Variants in IVL observed in about 807,000 individuals in gnomAD.
IVL encodes involucrin.
For missense variants in IVL, 722 were observed against 624.9 expected (o/e 1.16, Z -1.66); for synonymous variants, 257 against 271.0 (o/e 0.95, Z 0.51).
At position 152,911,210 on chromosome 1, in the gene IVL, G is replaced by A. The variant is rs1383884308; in HGVS notation, c.1413G>A (p.Glu471=). 1.3e-6 allele frequency: 2 copies of A among 1,556,216 alleles called. No individual in the cohort carries two copies. Among genetic ancestry groups the A allele is most frequent in the Non-Finnish European group, 1.7e-6 (2 of 1,150,002 alleles). The change falls in exon 2 of 2, where the codon GAG becomes GAA. Residue 471 remains glutamate (E), a synonymous_variant. Transcript: ENST00000368764. ...TGGAGCAGGAGGAGAAGCAACTGGA[G>A]CTCCCAGAGCAGCAAGAGGGCCAGG... ...KNLEQEEKQL[E]LPEQQEGQVK...
At position 152,911,013 on chromosome 1, in the gene IVL, C is replaced by G; in HGVS notation, c.1216C>G (p.Leu406Val). The G allele has an allele frequency of 6.4e-7, 1 of 1,550,780 alleles. No homozygotes were observed. Among genetic ancestry groups the G allele is most frequent in the Non-Finnish European group, 8.7e-7 (1 of 1,146,798 alleles). The change falls in exon 2 of 2, where the codon CTG becomes GTG. Residue 406 changes from leucine (L) to valine (V), a missense_variant. Leu to Val is a conservative substitution (Grantham distance 32). Coordinates refer to ENST00000368764, the MANE Select transcript of IVL (RefSeq NM_005547.4). ...GCAGCAGGAGGGGCAGCTGAAGCAT[C>G]TGGTGCAGCAGGAGGGGCAGCTGGA... ...LVQQEGQLKHLVQQEGQLEQQ... is the reference protein window; with the variant it reads ...LVQQEGQLKHVVQQEGQLEQQ...
Position 152,911,231 on chromosome 1 carries a change from C to A in IVL, c.1434C>A (p.Gly478=), listed in dbSNP as rs187809698. 1 of 1,548,574 alleles carries A rather than the reference C, an allele frequency of 6.5e-7. No homozygotes were observed. Among genetic ancestry groups the A allele is most frequent in the East Asian group, 2.4e-5 (1 of 41,164 alleles). Residue 478 remains glycine (G), a synonymous_variant, in exon 2 of 2, where the codon GGC becomes GGA. Coordinates refer to ENST00000368764, the MANE Select transcript of IVL (RefSeq NM_005547.4). ...KQLELPEQQE[G]QVKHLEKQEA... is the part of the protein sequence containing the mutation. Reference sequence around the variant, plus strand: ...TGGAGCTCCCAGAGCAGCAAGAGGGCCAGGTGAAGCACCTGGAGAAGCAGG... The same window carrying A: ...TGGAGCTCCCAGAGCAGCAAGAGGGACAGGTGAAGCACCTGGAGAAGCAGG...
chr1:152,909,797 G>A lies in IVL; in HGVS notation c.-1G>A. ...CTTTCAGGTTGACAGTAGCTTCTAAGATGTCCCAGCAACACACACTGCCAG... is the reference window on the plus strand; with the variant it reads ...CTTTCAGGTTGACAGTAGCTTCTAAAATGTCCCAGCAACACACACTGCCAG... On this transcript the variant is annotated 5_prime_UTR_variant, in exon 2 of 2. Coordinates refer to ENST00000368764, the MANE Select transcript of IVL (RefSeq NM_005547.4). 1.2e-6 allele frequency: 2 copies of A among 1,608,670 alleles called. No homozygotes were observed. Among genetic ancestry groups the A allele is most frequent in the Non-Finnish European group, 1.7e-6 (2 of 1,177,010 alleles).
chr1:152,911,304 C>G lies in IVL; in HGVS notation c.1507C>G (p.Leu503Val), dbSNP rs759571474. ...PEQQVGQPKH[L>V]EQQEKHLEHP... ...GCAGCAGGTAGGACAGCCAAAGCACCTGGAACAGCAGGAAAAGCACCTAGA... is the reference window on the plus strand; with the variant it reads ...GCAGCAGGTAGGACAGCCAAAGCACGTGGAACAGCAGGAAAAGCACCTAGA... Residue 503 changes from leucine (L) to valine (V), a missense_variant, in exon 2 of 2, where the codon CTG (leucine) becomes GTG (valine). Transcript: ENST00000368764. 6.4e-7 allele frequency: 1 copy of G among 1,571,034 alleles called. No individual in the cohort carries two copies. Among genetic ancestry groups the G allele is most frequent in the East Asian group, 2.4e-5 (1 of 42,362 alleles).
chr1:152,909,137 A>C (rs1409523507), intron 1 of IVL, among the ~76,000 whole-genome samples: 1 of 152,146 alleles, frequency 6.6e-6, no homozygotes, highest in Non-Finnish European at 1.5e-5. Context: ...ACTGCAGCTA[A>C]ACCTCAGAAG....
chr1:152,910,586 G>C lies in IVL; in HGVS notation c.789G>C (p.Leu263=). 1 of 1,550,876 alleles carries C rather than the reference G, an allele frequency of 6.4e-7. No homozygotes were observed. The highest frequency in any genetic ancestry group is 8.7e-7 in the Non-Finnish European group (1 of 1,146,780). Residue 263 remains leucine, a synonymous_variant, in exon 2 of 2, where the codon CTG becomes CTC. Coordinates refer to ENST00000368764, the MANE Select transcript of IVL (RefSeq NM_005547.4). ...LELSEQQEGQ[L]KHLEHQEGQL... ...TCTCTGAGCAGCAGGAGGGACAGCT[G>C]AAGCACCTGGAGCACCAGGAGGGGC...
chr1:152,909,551 C>T (rs750839476), intron 1 of IVL, among the ~76,000 whole-genome samples: 1 of 152,170 alleles, frequency 6.6e-6, no homozygotes, highest in Non-Finnish European at 1.5e-5. Context: ...TCCTTGTTGG[C>T]TCTCACCTGG....
chr1:152,910,002 G>A lies in IVL; in HGVS notation c.205G>A (p.Gly69Arg), dbSNP rs1185512760. 1.9e-6 allele frequency: 3 copies of A among 1,614,118 alleles called. No homozygotes were observed. The South Asian group carries it at 3.3e-5, about 18-fold the overall frequency. ...GGAAAAGCACATGACTGCTGTAAAG[G>A]GACTGCCTGAGCAAGAATGTGAGCA... ...QEEKHMTAVK[G>R]LPEQECEQQQ... Residue 69 changes from glycine to arginine, a missense_variant, in exon 2 of 2, where the codon GGA becomes AGA. Coordinates refer to ENST00000368764, the MANE Select transcript of IVL (RefSeq NM_005547.4).
chr1:152,910,319 G>A lies in IVL; in HGVS notation c.522G>A (p.Lys174=). Residue 174 remains lysine, a synonymous_variant, in exon 2 of 2, where the codon AAG becomes AAA. Transcript: ENST00000368764. The stretch of plus-strand genomic sequence containing the variant: ...TAGAGCAGCAGGAGGGACAGCTGAA[G>A]CACCCGGAGCAGCAGGAGGGGCAGC... The part of the protein sequence containing the change: ...KHLEQQEGQL[K]HPEQQEGQLE... 6.3e-7 allele frequency: 1 copy of A among 1,584,480 alleles called. No individual in the cohort carries two copies. The highest frequency in any genetic ancestry group is 8.6e-7 in the Non-Finnish European group (1 of 1,161,002).
In IVL at chr1:152,910,082, T is replaced by C. The variant is rs746362548; in HGVS notation, c.285T>C (p.His95=). 21 of 1,613,950 alleles carry C rather than the reference T, an allele frequency of 1.3e-5. No homozygotes were observed. In the African/African-American group the frequency reaches 2.7e-4, roughly 21 times the overall value. Residue 95 remains histidine, a synonymous_variant, in exon 2 of 2, where the codon CAT becomes CAC. Coordinates refer to ENST00000368764, the MANE Select transcript of IVL (RefSeq NM_005547.4). ...TGCAGCAACAGCACTGGGAACAGCA[T>C]GAGGAATATCAGAAAGCAGAAAACC... ...QELQQQHWEQ[H]EEYQKAENPE... is the part of the protein sequence containing the mutation.
chr1:152,908,990 T>G (rs941012131), intron 1 of IVL, among the ~76,000 whole-genome samples: 4 of 152,234 alleles, frequency 2.6e-5, no homozygotes, highest in East Asian at 1.9e-4. Context: ...GATGGCAGAA[T>G]GGGGAAACCT....
rs200731333 is a variant in IVL, at chr1:152,910,242, A to G, written c.445A>G (p.Lys149Glu). 26 of 1,614,154 alleles carry G rather than the reference A, an allele frequency of 1.6e-5. No homozygotes were observed. The African/African-American group carries it at 2.8e-4, about 17-fold the overall frequency. The change falls in exon 2 of 2, where the codon AAA becomes GAA. Residue 149 changes from lysine (K) to glutamate (E), a missense_variant. Transcript: ENST00000368764. ...GAGAGATGAGCAACTGGGAATGAAG[A>G]AAGAGCAACTGTTGGAGCTCCCAGA... The part of the protein sequence containing the change: ...VKRDEQLGMK[K>E]EQLLELPEQQ...
chr1:152,911,001 C>T lies in IVL; in HGVS notation c.1204C>T (p.Gln402Ter). ...QLKHLVQQEG[Q>*]LKHLVQQEGQ... ...GAAGCACCTGGTGCAGCAGGAGGGG[C>T]AGCTGAAGCATCTGGTGCAGCAGGA... Residue 402 changes from glutamine to a stop codon, truncating the protein, a stop_gained, in exon 2 of 2, where the codon CAG becomes TAG. Coordinates refer to ENST00000368764, the MANE Select transcript of IVL (RefSeq NM_005547.4). LOFTEE classifies it low-confidence loss of function (END_TRUNC). 6.4e-7 allele frequency: 1 copy of T among 1,550,664 alleles called. No homozygotes were observed.
At position 152,910,904 on chromosome 1, in the gene IVL, G is replaced by A. The variant is rs1042216720; in HGVS notation, c.1107G>A (p.Gln369=). The part of the protein sequence containing the change: ...QEGQLGLPEQ[Q]VLQLKQLEKQ... ...GGCAGCTGGGGCTCCCAGAGCAGCAGGTGCTGCAGCTGAAGCAGCTAGAGA... is the reference window on the plus strand; with the variant it reads ...GGCAGCTGGGGCTCCCAGAGCAGCAAGTGCTGCAGCTGAAGCAGCTAGAGA... Residue 369 remains glutamine (Q), a synonymous_variant, in exon 2 of 2, where the codon CAG becomes CAA. Coordinates refer to ENST00000368764, the MANE Select transcript of IVL (RefSeq NM_005547.4). 2 of 1,550,632 alleles carry A rather than the reference G, an allele frequency of 1.3e-6. No individual in the cohort carries two copies. The highest frequency in any genetic ancestry group is 2.0e-5 in the Admixed American group (1 of 50,946).
chr1:152,910,684 T>G lies in IVL; in HGVS notation c.887T>G (p.Leu296Arg). The G allele has an allele frequency of 6.5e-7, 1 of 1,537,346 alleles. No homozygotes were observed. The change falls in exon 2 of 2, where the codon CTG becomes CGG. Residue 296 changes from leucine to arginine, a missense_variant. Physicochemically the swap from Leu to Arg is moderately radical, Grantham distance 102 (BLOSUM62 -2). Coordinates refer to ENST00000368764, the MANE Select transcript of IVL (RefSeq NM_005547.4). ...LEQQEGQLKH[L>R]DQQEKQPELP... ...CAGCAGGAGGGGCAGCTGAAGCACC[T>G]GGATCAGCAGGAGAAGCAGCCAGAG...
chr1:152,910,964 G>C lies in IVL; in HGVS notation c.1167G>C (p.Glu389Asp), dbSNP rs1412140231. 3.2e-6 allele frequency: 5 copies of C among 1,550,458 alleles called. No homozygotes were observed. Among genetic ancestry groups the C allele is most frequent in the Admixed American group, 2.0e-5 (1 of 50,918 alleles). Residue 389 changes from glutamate (E) to aspartate (D), a missense_variant, in exon 2 of 2, where the codon GAG becomes GAC. Coordinates refer to ENST00000368764, the MANE Select transcript of IVL (RefSeq NM_005547.4). ...GGCAGCCAAAGCACCTGGAGGAGGA[G>C]GAGGGGCAGCTGAAGCACCTGGTGC... is the stretch of plus-strand genomic sequence containing the variant. ...QQGQPKHLEE[E>D]EGQLKHLVQQ...
chr1:152,910,482 C>T lies in IVL; in HGVS notation c.685C>T (p.Gln229Ter). The change falls in exon 2 of 2, where the codon CAG (glutamine) becomes TAG (stop). Residue 229 changes from glutamine (Q) to a stop codon, truncating the protein, a stop_gained. Transcript: ENST00000368764. LOFTEE classifies it low-confidence loss of function (END_TRUNC). ...GGGGCAGCTGGAGCTCCCAGAGCAGCAGGAGGGGCAGCTGGAGCTCCCACA... is the reference window on the plus strand; with the variant it reads ...GGGGCAGCTGGAGCTCCCAGAGCAGTAGGAGGGGCAGCTGGAGCTCCCACA... ...QEGQLELPEQQEGQLELPQQQ... is the reference protein window; with the variant it reads ...QEGQLELPEQ 7.0e-7 allele frequency: 1 copy of T among 1,427,622 alleles called. No individual in the cohort carries two copies. Among genetic ancestry groups the T allele is most frequent in the Non-Finnish European group, 9.1e-7 (1 of 1,096,776 alleles). 88.4% of individuals were successfully genotyped at this position (1,427,622 alleles called of 1,614,324 possible).
At position 152,910,666 on chromosome 1, in the gene IVL, AGGG is replaced by A; in HGVS notation, c.871_873del (p.Gly291del). 6.5e-7 allele frequency: 1 copy of A among 1,549,814 alleles called. No individual in the cohort carries two copies. On this transcript the variant is annotated inframe_deletion, in exon 2 of 2. Coordinates refer to ENST00000368764, the MANE Select transcript of IVL (RefSeq NM_005547.4). ...CAGCTGAAGTACCTGGAACAGCAGG[AGGG>A]GCAGCTGAAGCACCTGGATCAGCAG...
In IVL at chr1:152,910,049, G is replaced by T. The variant is rs199703096; in HGVS notation, c.252G>T (p.Glu84Asp). 2 of 1,614,168 alleles carry T rather than the reference G, an allele frequency of 1.2e-6. No homozygotes were observed. The highest frequency in any genetic ancestry group is 1.1e-5 in the South Asian group (1 of 91,076). Reference sequence around the variant, plus strand: ...AGCAACAGCAGAAGGAGCCACAGGAGCAGGAGCTGCAGCAACAGCACTGGG... The same window carrying T: ...AGCAACAGCAGAAGGAGCCACAGGATCAGGAGCTGCAGCAACAGCACTGGG... ...ECEQQQKEPQ[E>D]QELQQQHWEQ... Residue 84 changes from glutamate (E) to aspartate (D), a missense_variant, in exon 2 of 2, where the codon GAG becomes GAT. By Grantham distance (45) the Glu-to-Asp change is conservative. Transcript: ENST00000368764.
Sources: allele counts gnomAD v4.1 joint callset (sites outside exome capture counted in the v4.1 genomes callset), GRCh38; gene constraint gnomAD v4.1.1; transcripts MANE v1.5; gene names NCBI Gene and HGNC (gene_info 2026-07-23, HGNC 2026-07-21).